ASCC3: variants seen among roughly 807,000 people sequenced by gnomAD.
ASCC3 encodes the protein ASC-1 complex subunit P200.
ASCC3 carries 158 observed loss-of-function variants against 256.3 expected under a neutral mutation model. The ratio of observed to expected loss-of-function variants is 0.62; its 90% CI spans 0.54 to 0.70. ASCC3 has a LOEUF of 0.70. Among genes scored for constraint, ASCC3 ranks in the 30% least tolerant of loss-of-function variants. ASCC3 has a pLI of 0.00. For missense variants in ASCC3, 2,259 were observed against 2,626.0 expected (o/e 0.86, Z 3.05); for synonymous variants, 948 against 883.4 (o/e 1.07, Z -1.30).
chr6:100,659,763 A>G (rs772940714), intron 16 of ASCC3, among the ~76,000 whole-genome samples: 1 of 151,602 alleles, frequency 6.6e-6, no homozygotes, highest in Non-Finnish European at 1.5e-5. Flanking sequence ...ACAAAAAGCT[A>G]TTAAGGACAT....
At chr6:100,723,878 A>ATATATTTATAAT (rs1554220111) in intron 11 of ASCC3, among the ~76,000 whole-genome samples, 2 of 132,410 alleles carry the variant, frequency 1.5e-5, no homozygotes, top group East Asian at 4.3e-4. Context: ...ATATATATAT[A>ATATATTTATAAT]TATATATATA....
intron 5 of ASCC3, among the ~76,000 whole-genome samples, chr6:100,802,847 T>A (rs547931104): frequency 5.0e-4 from 75 of 149,348 alleles, no homozygotes; most frequent in African/African-American, 1.3e-3. Context: ...AAAAAAAAAA[T>A]TTTTTTTTTA....
At chr6:100,612,712 T>C (rs1020578111) in intron 30 of ASCC3, among the ~76,000 whole-genome samples, 1 of 151,874 alleles carries the variant, frequency 6.6e-6, no homozygotes, top group Admixed American at 6.6e-5. Flanking sequence ...AGAAAAACAA[T>C]GAAACATTTT....
intron 8 of ASCC3, among the ~76,000 whole-genome samples, chr6:100,795,101 G>GA (rs1769542699): frequency 6.6e-6 from 1 of 152,048 alleles, no homozygotes; most frequent in Admixed American, 6.6e-5. Flanking sequence ...ACATCACAGG[G>GA]AAAGGAATTG....
At chr6:100,651,526 G>T (rs772303434) in intron 19 of ASCC3, 34 bp downstream of exon 19, 1 of 1,308,762 alleles carries the variant, frequency 7.6e-7, no homozygotes, top group Non-Finnish European at 1.1e-6. Context: ...CATACATGTT[G>T]TATGCATTTG....
intron 30 of ASCC3, among the ~76,000 whole-genome samples, chr6:100,614,409 T>A (rs1183337850): frequency 6.6e-6 from 1 of 152,204 alleles, no homozygotes; most frequent in Non-Finnish European, 1.5e-5. Flanking sequence ...TGCTATACAA[T>A]CACAGTAATA....
chr6:100,586,082 C>G (rs1006952096), intron 36 of ASCC3, among the ~76,000 whole-genome samples: 1 of 152,168 alleles, frequency 6.6e-6, no homozygotes, highest in Non-Finnish European at 1.5e-5. Flanking sequence ...TCTCCAGCTG[C>G]GTGCTGGGAG....
At chr6:100,862,868 T>A (rs1773291582) in intron 3 of ASCC3, among the ~76,000 whole-genome samples, 1 of 152,180 alleles carries the variant, frequency 6.6e-6, no homozygotes, top group Admixed American at 6.5e-5. Flanking sequence ...ATTTTTTAGC[T>A]GAGTTTAAAA....
At chr6:100,709,133 A>G (rs1778749352) in intron 13 of ASCC3, among the ~76,000 whole-genome samples, 3 of 152,294 alleles carry the variant, frequency 2.0e-5, no homozygotes, top group Non-Finnish European at 2.9e-5. Context: ...GTCTCCTGTG[A>G]CAACAAAATG....
intron 30 of ASCC3, among the ~76,000 whole-genome samples, chr6:100,612,947 T>C (rs1207633506): frequency 6.6e-6 from 1 of 151,964 alleles, no homozygotes; most frequent in Non-Finnish European, 1.5e-5. Flanking sequence ...AAATATAAAT[T>C]AAATGTACAA....
Position 100,651,596 on chromosome 6 carries a change from G to A in ASCC3, c.3039C>T (p.Ala1013=). ...DAHKTEGDIF[A]IVSKAEEFDQ... is the part of the protein sequence containing the mutation. ...CAAATTCTTCAGCTTTGGAGACTAT[G>A]GCAAAGATATCACCTTCTGTTTTGT... The change falls in exon 19 of 42, where the codon GCC becomes GCT. Residue 1013 remains alanine (A), a synonymous_variant. Transcript: ENST00000369162. 1 of 1,584,526 alleles carries A rather than the reference G, an allele frequency of 6.3e-7. No individual in the cohort carries two copies. The highest frequency in any genetic ancestry group is 1.2e-5 in the South Asian group (1 of 85,236).
chr6:100,839,702 G>T (rs1421006194), intron 4 of ASCC3, among the ~76,000 whole-genome samples: 2 of 152,106 alleles, frequency 1.3e-5, no homozygotes, highest in Admixed American at 1.3e-4. Context: ...AATTGAAAAG[G>T]TTTGACTGAG....
rs559384380 is a variant in ASCC3, at chr6:100,568,927, G to A, written c.5550+20707C>T. On this transcript the variant is annotated intron_variant, in intron 36 of 41. Coordinates refer to ENST00000369162, the MANE Select transcript of ASCC3 (RefSeq NM_006828.4). ...CGAGTAACTGGGACTACGGGCACCC[G>A]CCACCATGCCCAGCTAATTTTTTTT... 8.4e-4 allele frequency among the ~76,000 whole-genome samples: 127 copies of A among 151,410 alleles called. 2 individuals are homozygous for A. The highest frequency in any genetic ancestry group is 3.4e-3 in the Middle Eastern group (1 of 292).
intron 1 of ASCC3, among the ~76,000 whole-genome samples, chr6:100,876,121 A>T (rs1463536536): frequency 6.6e-6 from 1 of 152,160 alleles, no homozygotes; most frequent in Non-Finnish European, 1.5e-5. Context: ...ACAAAAGCAT[A>T]GGTCTAGAGA....
At chr6:100,682,256 G>A (rs1478054581) in intron 13 of ASCC3, among the ~76,000 whole-genome samples, 1 of 151,856 alleles carries the variant, frequency 6.6e-6, no homozygotes, top group Non-Finnish European at 1.5e-5. Context: ...TTCTAAACAT[G>A]CATTAACTAC....
intron 36 of ASCC3, among the ~76,000 whole-genome samples, chr6:100,561,970 C>T (rs528288019): frequency 1.2e-4 from 18 of 152,106 alleles, no homozygotes; most frequent in African/African-American, 3.9e-4. Context: ...CACAAAACAA[C>T]GAATAGAACA....
At chr6:100,864,674 T>G (rs931337741) in intron 2 of ASCC3, among the ~76,000 whole-genome samples, 1 of 152,208 alleles carries the variant, frequency 6.6e-6, no homozygotes, top group African/African-American at 2.4e-5. Context: ...CAGGTTCAAA[T>G]ATATTCAAGT....
intron 36 of ASCC3, among the ~76,000 whole-genome samples, chr6:100,577,009 A>AT (rs1770904605): frequency 6.6e-6 from 1 of 151,496 alleles, no homozygotes; most frequent in Admixed American, 6.6e-5. Context: ...ATCTGCAAGT[A>AT]TTAACAGACT....
intron 1 of ASCC3, among the ~76,000 whole-genome samples, chr6:100,873,465 CT>C (rs1189002325): frequency 6.6e-6 from 1 of 152,120 alleles, no homozygotes; most frequent in African/African-American, 2.4e-5. Context: ...GGGGAATAAT[CT>C]AAGAAAACTC....
Sources: gnomAD v4.1 joint callset for allele counts (sites outside exome capture counted in the v4.1 genomes callset) on GRCh38, gnomAD v4.1.1 for gene constraint, MANE v1.5 for transcripts, NCBI Gene and HGNC (gene_info 2026-07-23, HGNC 2026-07-21) for gene names.